Variants in CELSR3 observed in about 807,000 individuals in gnomAD.
CELSR3 encodes the protein cadherin EGF LAG seven-pass G-type receptor 3.
CELSR3 carries 73 observed loss-of-function variants against 270.0 expected under a neutral mutation model. The ratio of observed to expected loss-of-function variants is 0.27; its 90% CI spans 0.22 to 0.33. CELSR3 has a LOEUF of 0.33. CELSR3 is among the 10% of genes least tolerant of loss of function. The pLI, the probability that CELSR3 is intolerant of heterozygous loss-of-function variation, is 1.00. For missense variants in CELSR3, 3,614 were observed against 4,533.8 expected (o/e 0.80, Z 5.83); for synonymous variants, 1,780 against 1,905.4 (o/e 0.93, Z 1.71).
chr3:48,638,235 G>C lies in CELSR3; in HGVS notation c.9912-3C>G, dbSNP rs1157093635. The stretch of plus-strand genomic sequence containing the variant: ...AGTGACCCTCACTTCTGGGAACTCT[G>C]GAGGCACATGAGGAAATCAGAGGTT... On this transcript the variant is annotated splice_polypyrimidine_tract_variant and splice_region_variant and intron_variant, in intron 34 of 34. Transcript: ENST00000164024. 3 of 1,612,068 alleles carry C rather than the reference G, an allele frequency of 1.9e-6. No individual in the cohort carries two copies. Among genetic ancestry groups the C allele is most frequent in the Non-Finnish European group, 2.5e-6 (3 of 1,178,594 alleles).
Position 48,650,655 on chromosome 3 carries a change from A to C in CELSR3, c.6371-74T>G, listed in dbSNP as rs961918208. On this transcript the variant is annotated intron_variant, in intron 15 of 34. Transcript: ENST00000164024. This position sits in a 1 kb window ranked among gnomAD's most constrained non-coding sequence, Gnocchi z 5.1. Reference sequence around the variant, plus strand: ...TGACAGCCACACCCACTGCCCCTCCACCACCCCCCACAAGGCCCACTGCCC... The same window carrying C: ...TGACAGCCACACCCACTGCCCCTCCCCCACCCCCCACAAGGCCCACTGCCC... 6.6e-6 allele frequency: 8 copies of C among 1,203,526 alleles called. No individual in the cohort carries two copies. The highest frequency in any genetic ancestry group is 2.5e-5 in the East Asian group (1 of 39,388). The allele number at this position is 1,203,526 out of a possible 1,614,324, so 74.6% of individuals were successfully genotyped here.
In CELSR3 at chr3:48,660,784, G is replaced by T; in HGVS notation, c.1851C>A (p.Ala617=). Residue 617 remains alanine, a synonymous_variant, in exon 1 of 35, where the codon GCC becomes GCA. Transcript: ENST00000164024. This position sits in a 1 kb window ranked among gnomAD's most constrained non-coding sequence, Gnocchi z 5.5. ...PLDFEAEREY[A]LRIRAQDAGR... is the part of the protein sequence containing the mutation. ...CAGCATCCTGCGCCCTGATGCGCAAGGCATACTCTCTCTCTGCCTCGAAGT... is the reference window on the plus strand; with the variant it reads ...CAGCATCCTGCGCCCTGATGCGCAATGCATACTCTCTCTCTGCCTCGAAGT... 6.2e-7 allele frequency: 1 copy of T among 1,614,160 alleles called. No individual in the cohort carries two copies. The highest frequency in any genetic ancestry group is 8.5e-7 in the Non-Finnish European group (1 of 1,180,044).
chr3:48,658,936 C>G lies in CELSR3; in HGVS notation c.3699G>C (p.Lys1233Asn). The G allele has an allele frequency of 6.2e-7, 1 of 1,614,200 alleles. No homozygotes were observed. The highest frequency in any genetic ancestry group is 8.5e-7 in the Non-Finnish European group (1 of 1,180,034). Residue 1233 changes from lysine (K) to asparagine (N), a missense_variant, in exon 1 of 35, where the codon AAG (lysine) becomes AAC (asparagine). By Grantham distance (94) the Lys-to-Asn change is moderately conservative. Coordinates refer to ENST00000164024, the MANE Select transcript of CELSR3 (RefSeq NM_001407.3). This position sits in a 1 kb window ranked among gnomAD's most constrained non-coding sequence, Gnocchi z 4.7. ...QTSGELRLSR[K>N]LDNNRPLVAS... is the part of the protein sequence containing the mutation. ...CCACCAGTGGGCGGTTATTGTCTAG[C>G]TTTCGGCTGAGTCGCAGCTCCCCAC...
Position 48,640,814 on chromosome 3 carries a change from G to A in CELSR3, c.9026-255C>T, listed in dbSNP as rs894396835. ...GGGCGGGCAGGTCTCATGGTGCAGG[G>A]GATGGGGCAAACTCCCTGAGGTCAG... is the stretch of plus-strand genomic sequence containing the variant. On this transcript the variant is annotated intron_variant, in intron 33 of 34. Transcript: ENST00000164024. The surrounding 1 kb of genome is among the most constrained non-coding windows in gnomAD (Gnocchi z 7.5). 1.8e-6 allele frequency: 1 copy of A among 558,172 alleles called. No individual in the cohort carries two copies. Among genetic ancestry groups the A allele is most frequent in the Non-Finnish European group, 3.2e-6 (1 of 315,778 alleles). 34.6% of individuals were successfully genotyped at this position (558,172 alleles called of 1,614,324 possible).
Position 48,651,824 on chromosome 3 carries a change from G to C in CELSR3, c.5923+53C>G. On this transcript the variant is annotated intron_variant, in intron 12 of 34. Transcript: ENST00000164024. The surrounding 1 kb of genome is among the most constrained non-coding windows in gnomAD (Gnocchi z 7.4). The stretch of plus-strand genomic sequence containing the variant: ...CTTCAGGTTCCCCAGTCTTCATCAT[G>C]GGCCCCTAACGCCTGCCCAGGTCAC... 2 of 1,557,554 alleles carry C rather than the reference G, an allele frequency of 1.3e-6. No individual in the cohort carries two copies. Among genetic ancestry groups the C allele is most frequent in the South Asian group, 1.2e-5 (1 of 81,582 alleles).
At position 48,642,327 on chromosome 3, in the gene CELSR3, C is replaced by T. The variant is rs1419525638; in HGVS notation, c.8665+31G>A. On this transcript the variant is annotated intron_variant, in intron 31 of 34. Coordinates refer to ENST00000164024, the MANE Select transcript of CELSR3 (RefSeq NM_001407.3). The surrounding 1 kb of genome is among the most constrained non-coding windows in gnomAD (Gnocchi z 6.1). ...GGGGATGGGGAGAGATCCTCTGCCT[C>T]CCTCCTCCCTGCCCCAGGCCCCAAC... is the stretch of plus-strand genomic sequence containing the variant. 1.9e-6 allele frequency: 3 copies of T among 1,599,448 alleles called. No homozygotes were observed. The highest frequency in any genetic ancestry group is 1.7e-5 in the Admixed American group (1 of 58,888).
In CELSR3 at chr3:48,644,268, C is replaced by T. The variant is rs776757428; in HGVS notation, c.8113G>A (p.Ala2705Thr). Residue 2705 changes from alanine to threonine, a missense_variant, in exon 27 of 35, where the codon GCC becomes ACC. Ala to Thr is a moderately conservative substitution (Grantham distance 58). This residue lies in a region of CELSR3 where 1,240 missense variants were observed against 1,351.7 expected (regional missense o/e 0.92). Coordinates refer to ENST00000164024, the MANE Select transcript of CELSR3 (RefSeq NM_001407.3). This position sits in a 1 kb window ranked among gnomAD's most constrained non-coding sequence, Gnocchi z 4.8. ...VMNGTMFLLA[A>T]RTSCSTGQRE... Reference sequence around the variant, plus strand: ...TGCCCTGTGGAGCAGGATGTGCGGGCAGCGAGGAGAAACATGGTCCCGTTC... The same window carrying T: ...TGCCCTGTGGAGCAGGATGTGCGGGTAGCGAGGAGAAACATGGTCCCGTTC... The T allele has an allele frequency of 6.2e-7, 1 of 1,613,112 alleles. No homozygotes were observed. The highest frequency in any genetic ancestry group is 8.5e-7 in the Non-Finnish European group (1 of 1,179,922).
rs555608365 is a variant in CELSR3, at chr3:48,656,833, G to A, written c.4264C>T (p.Arg1422Cys). 8.7e-6 allele frequency: 14 copies of A among 1,608,210 alleles called. No homozygotes were observed. The East Asian group carries it at 3.1e-4, about 36-fold the overall frequency. Reference protein sequence around the residue: ...PIQPIAGLRCRCPPGFTGDFC... With the variant: ...PIQPIAGLRCCCPPGFTGDFC... ...TCTCCCGTGAATCCGGGCGGGCAGCGGCAGCGCAGGCCAGCGATGGGCTGG... is the reference window on the plus strand; with the variant it reads ...TCTCCCGTGAATCCGGGCGGGCAGCAGCAGCGCAGGCCAGCGATGGGCTGG... The change falls in exon 2 of 35, where the codon CGC becomes TGC. Residue 1422 changes from arginine (R) to cysteine (C), a missense_variant. Arg to Cys is a radical substitution (Grantham distance 180). Coordinates refer to ENST00000164024, the MANE Select transcript of CELSR3 (RefSeq NM_001407.3).
At chr3:48,643,839 G>A (rs1231846353) in intron 27 of CELSR3, 162 bp from the exon 28 acceptor site, 2 of 778,868 alleles carry the variant, frequency 2.6e-6, no homozygotes, top group African/African-American at 1.8e-5. Context: ...GAGATGGGAG[G>A]TCCCACAAAG....
In CELSR3 at chr3:48,653,306, A is replaced by G. The variant is rs2047153795; in HGVS notation, c.5449-119T>C. On this transcript the variant is annotated intron_variant, in intron 9 of 34. Coordinates refer to ENST00000164024, the MANE Select transcript of CELSR3 (RefSeq NM_001407.3). This position sits in a 1 kb window ranked among gnomAD's most constrained non-coding sequence, Gnocchi z 6.5. Reference sequence around the variant, plus strand: ...AGGTCAGAACAGTGGGGTCAAGGTTATACCTGGCACAAAGGGCACTGTGCC... The same window carrying G: ...AGGTCAGAACAGTGGGGTCAAGGTTGTACCTGGCACAAAGGGCACTGTGCC... 2 of 921,670 alleles carry G rather than the reference A, an allele frequency of 2.2e-6. No individual in the cohort carries two copies. Among genetic ancestry groups the G allele is most frequent in the South Asian group, 3.3e-5 (2 of 60,276 alleles). 57.1% of individuals were successfully genotyped at this position (921,670 alleles called of 1,614,324 possible). A position where few individuals can be genotyped will look rare whatever the true frequency, so the allele number is the denominator to read the frequency against.
chr3:48,644,324 G>A lies in CELSR3; in HGVS notation c.8086-29C>T, dbSNP rs780870773. On this transcript the variant is annotated intron_variant, in intron 26 of 34. Transcript: ENST00000164024. This position sits in a 1 kb window ranked among gnomAD's most constrained non-coding sequence, Gnocchi z 4.8. ...GACCCACGGCCAGACATGTGGGGCC[G>A]GGCAGGGCAGAGAGAGAGAGAGAGA... 36 of 1,600,836 alleles carry A rather than the reference G, an allele frequency of 2.2e-5. No individual in the cohort carries two copies. The highest frequency in any genetic ancestry group is 1.1e-4 in the East Asian group (5 of 44,832).
chr3:48,647,070 G>C, intron 20 of CELSR3, 142 bp from the exon 21 acceptor site: 1 of 749,980 alleles, frequency 1.3e-6, no homozygotes, highest in Non-Finnish European at 2.0e-6. Context: ...AACCCAGAAA[G>C]TAACAGTCAA....
Position 48,655,542 on chromosome 3 carries a change from T to C in CELSR3, c.4742-148A>G. ...CCACAATGGCTGGCTCAGAGTGCCT[T>C]TGAACAGACAGGAGAAACAGACTTC... On this transcript the variant is annotated intron_variant, in intron 4 of 34. Transcript: ENST00000164024. This position sits in a 1 kb window ranked among gnomAD's most constrained non-coding sequence, Gnocchi z 5.8. The C allele has an allele frequency of 2.1e-6, 2 of 935,526 alleles. No individual in the cohort carries two copies. Among genetic ancestry groups the C allele is most frequent in the Non-Finnish European group, 1.7e-6 (1 of 596,096 alleles). The allele number at this position is 935,526 out of a possible 1,614,324, so 58.0% of individuals were successfully genotyped here.
At position 48,640,206 on chromosome 3, in the gene CELSR3, G is replaced by A. The variant is rs778444733; in HGVS notation, c.9379C>T (p.Pro3127Ser). 3 of 1,612,672 alleles carry A rather than the reference G, an allele frequency of 1.9e-6. No homozygotes were observed. The African/African-American group carries it at 4.0e-5, about 22-fold the overall frequency. Reference sequence around the variant, plus strand: ...GCCATGGCGCCAGGGTAGTCCCGAGGTGGCTGCCTCCGTGGCAGGGTGCTG... The same window carrying A: ...GCCATGGCGCCAGGGTAGTCCCGAGATGGCTGCCTCCGTGGCAGGGTGCTG... ...RGSTLPRRQP[P>S]RDYPGAMAGR... Residue 3127 changes from proline to serine, a missense_variant, in exon 34 of 35, where the codon CCT becomes TCT. Transcript: ENST00000164024. This position sits in a 1 kb window ranked among gnomAD's most constrained non-coding sequence, Gnocchi z 7.5.
rs749333463 is a variant in CELSR3 at position 48,656,257 on chromosome 3, G to A, written c.4508C>T (p.Pro1503Leu). The change falls in exon 3 of 35, where the codon CCG (proline) becomes CTG (leucine). Residue 1503 changes from proline to leucine, a missense_variant. Transcript: ENST00000164024. ...APNGGFRCQC[P>L]AGGAFEGPRC... ...CGGGCCCTCGAAGGCGCCGCCTGCC[G>A]GGCACTGGCAGCGAAAGCCGCCGTT... The A allele has an allele frequency of 2.7e-5, 42 of 1,533,562 alleles. No individual in the cohort carries two copies. In the East Asian group the frequency reaches 9.3e-4, roughly 34 times the overall value. 95.0% of individuals were successfully genotyped at this position (1,533,562 alleles called of 1,614,324 possible). A position where few individuals can be genotyped will look rare whatever the true frequency, so the allele number is the denominator to read the frequency against.
At position 48,652,539 on chromosome 3, in the gene CELSR3, C is replaced by T. The variant is rs2047146806; in HGVS notation, c.5649G>A (p.Val1883=). The change falls in exon 11 of 35, where the codon GTG becomes GTA. Residue 1883 remains valine (V), a synonymous_variant. Transcript: ENST00000164024. The surrounding 1 kb of genome is among the most constrained non-coding windows in gnomAD (Gnocchi z 4.3). The part of the protein sequence containing the change: ...DFSLFQDTMA[V]GSELQGLKVK... ...CCTTCAGGCCCTGCAGCTCACTCCCCACCGCCATGGTGTCCTGGAGGAAGT... is the reference window on the plus strand; with the variant it reads ...CCTTCAGGCCCTGCAGCTCACTCCCTACCGCCATGGTGTCCTGGAGGAAGT... 3.7e-6 allele frequency: 6 copies of T among 1,610,580 alleles called. No individual in the cohort carries two copies. The highest frequency in any genetic ancestry group is 5.1e-6 in the Non-Finnish European group (6 of 1,178,448).
chr3:48,636,471 A>G lies in CELSR3; in HGVS notation c.*1734T>C, dbSNP rs1376872226. 6.6e-6 allele frequency: 1 copy of G among 152,194 alleles called. No individual in the cohort carries two copies. The highest frequency in any genetic ancestry group is 1.5e-5 in the Non-Finnish European group (1 of 68,034). 9.4% of individuals were successfully genotyped at this position (152,194 alleles called of 1,614,324 possible). On this transcript the variant is annotated 3_prime_UTR_variant, in exon 35 of 35. Coordinates refer to ENST00000164024, the MANE Select transcript of CELSR3 (RefSeq NM_001407.3). ...CAGGAAAAGGCAACAACTGTTTTCTATAGAAGTTTATTCCCAAAACAGAGC... is the reference window on the plus strand; with the variant it reads ...CAGGAAAAGGCAACAACTGTTTTCTGTAGAAGTTTATTCCCAAAACAGAGC...
intron 28 of CELSR3, 184 bp downstream of exon 28, chr3:48,643,370 T>C (rs1559476172): frequency 1.2e-6 from 1 of 828,434 alleles, no homozygotes; most frequent in Non-Finnish European, 1.8e-6. Context: ...GTGCCTAAGT[T>C]AGAGTCAGCT....
At position 48,654,276 on chromosome 3, in the gene CELSR3, G is replaced by A. The variant is rs765511363; in HGVS notation, c.5152+13C>T. ...AGGGCCATGGGCTAGGCTGGTGGAA[G>A]CTTCAGGCCTACCTGCCATGGTGCC... On this transcript the variant is annotated intron_variant, in intron 7 of 34. Coordinates refer to ENST00000164024, the MANE Select transcript of CELSR3 (RefSeq NM_001407.3). The surrounding 1 kb of genome is among the most constrained non-coding windows in gnomAD (Gnocchi z 5.4). 11 of 1,613,564 alleles carry A rather than the reference G, an allele frequency of 6.8e-6. No homozygotes were observed. In the East Asian group the frequency reaches 2.5e-4, roughly 36 times the overall value.
Sources: gnomAD v4.1 joint callset for allele counts on GRCh38, gnomAD v4.1.1 for gene constraint, gnomAD v4.1.1 regional missense constraint, Gnocchi (gnomAD v3.1) non-coding constraint, MANE v1.5 for transcripts, NCBI Gene and HGNC (gene_info 2026-07-23, HGNC 2026-07-21) for gene names.